Variants in BBC3 observed in about 807,000 individuals in gnomAD.
The protein encoded by BBC3 is BCL2 binding component 3.
Under a neutral mutation model 18.2 loss-of-function variants are expected in BBC3, and 5 were observed. The ratio of observed to expected loss-of-function variants is 0.27; its 90% CI spans 0.14 to 0.58. The LOEUF is 0.58. Among genes scored for constraint, BBC3 ranks in the 20% least tolerant of loss-of-function variants. BBC3 has a pLI of 0.91. For missense variants in BBC3, 224 were observed against 268.9 expected (o/e 0.83, Z 1.17); for synonymous variants, 119 against 128.0 (o/e 0.93, Z 0.47).
intron 3 of BBC3, among the ~76,000 whole-genome samples, chr19:47,225,223 T>TAC: frequency 6.6e-6 from 1 of 151,924 alleles, no homozygotes; most frequent in South Asian, 2.1e-4. Context: ...AATTTTTGTA[T>TAC]TTTTAGTAGA....
At chr19:47,226,201 C>A (rs1036632490) in intron 3 of BBC3, among the ~76,000 whole-genome samples, 1 of 151,552 alleles carries the variant, frequency 6.6e-6, no homozygotes, top group Non-Finnish European at 1.5e-5. Context: ...AGGGGGCGGG[C>A]GCGGCGCGGC....
At chr19:47,221,954 G>C in intron 3 of BBC3, 36 bp from the exon 4 acceptor site, 1 of 1,557,356 alleles carries the variant, frequency 6.4e-7, no homozygotes, top group South Asian at 1.2e-5. Flanking sequence ...GTTAGCAGGG[G>C]ACTGAGTATG....
intron 2 of BBC3, among the ~76,000 whole-genome samples, 196 bp downstream of exon 2, chr19:47,227,962 A>G (rs1186981337): frequency 1.3e-5 from 2 of 151,816 alleles, no homozygotes; most frequent in African/African-American, 4.8e-5. Flanking sequence ...GGGACTTCCC[A>G]CTTGACCTCC....
At chr19:47,225,300 C>A (rs547791572) in intron 3 of BBC3, among the ~76,000 whole-genome samples, 2 of 152,092 alleles carry the variant, frequency 1.3e-5, no homozygotes, top group Admixed American at 6.6e-5. Context: ...CACTTGCCTC[C>A]GCCTCCCAAA....
intron 3 of BBC3, among the ~76,000 whole-genome samples, chr19:47,223,675 T>G (rs2058777629): frequency 6.6e-6 from 1 of 152,152 alleles, no homozygotes; most frequent in Non-Finnish European, 1.5e-5. Context: ...CTCCTTCCCT[T>G]CAGGTGCAGG....
intron 2 of BBC3, among the ~76,000 whole-genome samples, chr19:47,227,545 G>A (rs575053800): frequency 7.9e-5 from 12 of 152,260 alleles, no homozygotes; most frequent in African/African-American, 2.4e-4. Flanking sequence ...TGGGAAACCA[G>A]GACACACTTT....
Position 47,221,642 on chromosome 19 carries a change from G to A in BBC3, c.*160C>T, listed in dbSNP as rs996759116. 6.9e-7 allele frequency: 1 copy of A among 1,450,914 alleles called. No homozygotes were observed. Among genetic ancestry groups the A allele is most frequent in the African/African-American group, 1.4e-5 (1 of 69,294 alleles). 89.9% of individuals were successfully genotyped at this position (1,450,914 alleles called of 1,614,324 possible). On this transcript the variant is annotated 3_prime_UTR_variant, in exon 4 of 4. Transcript: ENST00000439096. ...CGTCAGTGCACCCCAGGCTGGGCTGGGGCTGGAGTGGCTGCCCCGGCCCGC... is the reference window on the plus strand; with the variant it reads ...CGTCAGTGCACCCCAGGCTGGGCTGAGGCTGGAGTGGCTGCCCCGGCCCGC...
Position 47,230,001 on chromosome 19 carries a change from G to C in BBC3, c.-16+928C>G, listed in dbSNP as rs1170846615. 6.6e-6 allele frequency among the ~76,000 whole-genome samples: 1 copy of C among 151,300 alleles called. No individual in the cohort carries two copies. Among genetic ancestry groups the C allele is most frequent in the Non-Finnish European group, 1.5e-5 (1 of 67,810 alleles). ...CACAAGCACACATATCGCACGCTCG[G>C]GCAAGACACACACATAAACACACAA... On this transcript the variant is annotated intron_variant, in intron 1 of 3. Transcript: ENST00000439096. The surrounding 1 kb of genome is among the most constrained non-coding windows in gnomAD (Gnocchi z 6.7).
chr19:47,225,837 G>A (rs1415362405), intron 3 of BBC3, among the ~76,000 whole-genome samples: 1 of 152,174 alleles, frequency 6.6e-6, no homozygotes, highest in Non-Finnish European at 1.5e-5. Context: ...ACCTGCAGGG[G>A]TTGAGAGAGG....
upstream of BBC3, chr19:47,231,329 A>G (rs2058912888): frequency 4.2e-6 from 2 of 480,966 alleles, no homozygotes; most frequent in African/African-American, 2.1e-5. This position sits in a 1 kb window ranked among gnomAD's most constrained non-coding sequence, Gnocchi z 4.0. Context: ...CGGACAAGTC[A>G]GGACTTGCAG....
In BBC3 at chr19:47,221,656, GCCCCGGC is replaced by G; in HGVS notation, c.*139_*145del. ...AGGCTGGGCTGGGGCTGGAGTGGCT[GCCCCGGC>G]CCGCCCCCGGGACAGGCAGGGCTGG... On this transcript the variant is annotated 3_prime_UTR_variant, in exon 4 of 4. Transcript: ENST00000439096. The G allele has an allele frequency of 1.3e-6, 2 of 1,501,010 alleles. No homozygotes were observed. Among genetic ancestry groups the G allele is most frequent in the Non-Finnish European group, 1.8e-6 (2 of 1,122,766 alleles). 93.0% of individuals were successfully genotyped at this position (1,501,010 alleles called of 1,614,324 possible). A position where few individuals can be genotyped will look rare whatever the true frequency, so the allele number is the denominator to read the frequency against.
rs1445583981 is a variant in BBC3 at position 47,228,855 on chromosome 19, G to A, written c.-15-409C>T. ...CAGCGACGGGCACACAGGGAGGGCAGTGAGGCACAGCGAGGCCCCCACAGC... is the reference window on the plus strand; with the variant it reads ...CAGCGACGGGCACACAGGGAGGGCAATGAGGCACAGCGAGGCCCCCACAGC... On this transcript the variant is annotated intron_variant, in intron 1 of 3. Coordinates refer to ENST00000439096, the MANE Select transcript of BBC3 (RefSeq NM_014417.5). The surrounding 1 kb of genome is among the most constrained non-coding windows in gnomAD (Gnocchi z 5.5). Among the ~76,000 whole-genome samples, 4 of 152,054 alleles carry A rather than the reference G, an allele frequency of 2.6e-5. No homozygotes were observed. The highest frequency in any genetic ancestry group is 5.9e-5 in the Non-Finnish European group (4 of 67,982).
chr19:47,224,092 CA>C (rs1365861953), intron 3 of BBC3, among the ~76,000 whole-genome samples: 1 of 152,048 alleles, frequency 6.6e-6, no homozygotes, highest in Non-Finnish European at 1.5e-5. Context: ...GTCGGGAATT[CA>C]AGATCAGCCT....
chr19:47,221,811 C>T lies in BBC3; in HGVS notation c.573G>A (p.Glu191=). 6.2e-7 allele frequency: 1 copy of T among 1,613,208 alleles called. No individual in the cohort carries two copies. The highest frequency in any genetic ancestry group is 8.5e-7 in the Non-Finnish European group (1 of 1,179,666). Residue 191 remains glutamate, a synonymous_variant, in exon 4 of 4, where the codon GAG becomes GAA. Coordinates refer to ENST00000439096, the MANE Select transcript of BBC3 (RefSeq NM_014417.5). ...GGGCGGGTGCAGGCACCTAATTGGG[C>T]TCCATCTCGGGGGCTCTGTGGCCCC... The part of the protein sequence containing the change: ...LPRGHRAPEM[E]PN
Position 47,220,861 on chromosome 19 carries a change from C to A in BBC3, c.*941G>T, listed in dbSNP as rs997589715. Reference sequence around the variant, plus strand: ...CTGATTTTATTGAAAAGGAAACATACAAAAATCATGTACAAAAAAAATTAA... The same window carrying A: ...CTGATTTTATTGAAAAGGAAACATAAAAAAATCATGTACAAAAAAAATTAA... On this transcript the variant is annotated 3_prime_UTR_variant, in exon 4 of 4. Coordinates refer to ENST00000439096, the MANE Select transcript of BBC3 (RefSeq NM_014417.5). 2.0e-5 allele frequency: 3 copies of A among 152,184 alleles called. No individual in the cohort carries two copies. Among genetic ancestry groups the A allele is most frequent in the Non-Finnish European group, 2.9e-5 (2 of 68,048 alleles). 9.4% of individuals were successfully genotyped at this position (152,184 alleles called of 1,614,324 possible).
upstream of BBC3, chr19:47,231,205 G>A (rs1369723172): frequency 3.1e-6 from 3 of 982,234 alleles, no homozygotes; most frequent in Non-Finnish European, 3.6e-6. The surrounding 1 kb of genome is among the most constrained non-coding windows in gnomAD (Gnocchi z 4.0). Context: ...GTCTCAGGCC[G>A]CCCGGCGGAT....
chr19:47,221,819 CGG>C lies in BBC3; in HGVS notation c.563_564del (p.Pro188ArgfsTer40). On this transcript the variant is annotated frameshift_variant, in exon 4 of 4. Coordinates refer to ENST00000439096, the MANE Select transcript of BBC3 (RefSeq NM_014417.5). LOFTEE classifies it high-confidence loss of function. ...LLPLPRGHRA[P>X]EMEPN is the part of the protein sequence containing the mutation. ...GCAGGCACCTAATTGGGCTCCATCT[CGG>C]GGGCTCTGTGGCCCCTGGGTAAGGG... 1 of 1,613,496 alleles carries C rather than the reference CGG, an allele frequency of 6.2e-7. No homozygotes were observed. Among genetic ancestry groups the C allele is most frequent in the Admixed American group, 1.7e-5 (1 of 59,836 alleles).
intron 3 of BBC3, among the ~76,000 whole-genome samples, chr19:47,226,235 G>C (rs1389818051): frequency 1.3e-5 from 2 of 151,732 alleles, no homozygotes; most frequent in Non-Finnish European, 2.9e-5. Context: ...GCTATAAATA[G>C]CCCGGGATAT....
At chr19:47,226,065 G>A (rs2058813208) in intron 3 of BBC3, among the ~76,000 whole-genome samples, 1 of 151,884 alleles carries the variant, frequency 6.6e-6, no homozygotes, top group Non-Finnish European at 1.5e-5. Context: ...AAAAATCGAG[G>A]CCGTGCCAGG....
Sources: gnomAD v4.1 joint callset for allele counts (sites outside exome capture counted in the v4.1 genomes callset) on GRCh38, gnomAD v4.1.1 for gene constraint, Gnocchi (gnomAD v3.1) non-coding constraint, MANE v1.5 for transcripts, NCBI Gene and HGNC (gene_info 2026-07-23, HGNC 2026-07-21) for gene names.